KCNIP4: variants seen among roughly 807,000 people sequenced by gnomAD.
KCNIP4 encodes the protein Kv channel-interacting protein 4.
In KCNIP4, 12 loss-of-function variants were observed where a neutral mutation model predicts 34.0. That is an observed-to-expected ratio of 0.35 (90% CI 0.23 to 0.57). The LOEUF (loss-of-function observed/expected upper bound fraction) is 0.57. Among genes scored for constraint, KCNIP4 ranks in the 20% least tolerant of loss-of-function variants. The pLI, the probability that KCNIP4 is intolerant of heterozygous loss-of-function variation, is 0.83. For synonymous variants in KCNIP4, 124 were observed against 102.2 expected (o/e 1.21, Z -1.29); for missense variants, 238 against 311.7 (o/e 0.76, Z 1.78).
At chr4:21,020,101 A>G (rs1194100770) in intron 1 of KCNIP4, among the ~76,000 whole-genome samples, 2 of 152,190 alleles carry the variant, frequency 1.3e-5, no homozygotes, top group African/African-American at 4.8e-5. Context: ...TATCCCTAAC[A>G]CATGGTCACA....
intron 1 of KCNIP4, among the ~76,000 whole-genome samples, chr4:21,665,347 C>G (rs917522343): frequency 1.3e-5 from 2 of 151,950 alleles, no homozygotes; most frequent in African/African-American, 2.4e-5. Context: ...GGCAGAGAAG[C>G]CTTAGAAGAC....
chr4:21,404,094 C>T (rs1364153945), intron 1 of KCNIP4, among the ~76,000 whole-genome samples: 1 of 152,206 alleles, frequency 6.6e-6, no homozygotes, highest in Admixed American at 6.5e-5. Flanking sequence ...ACACTCCCAC[C>T]TGTGGTTCTT....
chr4:21,078,006 G>A (rs1285056727), intron 1 of KCNIP4, among the ~76,000 whole-genome samples: 1 of 152,076 alleles, frequency 6.6e-6, no homozygotes, highest in Non-Finnish European at 1.5e-5. Flanking sequence ...CATTATCAGG[G>A]CTTCTGGAGA....
At chr4:20,759,523 T>G (rs1365985977) in intron 3 of KCNIP4, among the ~76,000 whole-genome samples, 1 of 152,096 alleles carries the variant, frequency 6.6e-6, no homozygotes, top group African/African-American at 2.4e-5. Flanking sequence ...TGTCCCTGGG[T>G]CAACTTGTCA....
chr4:20,938,385 G>A (rs1446039745), intron 1 of KCNIP4, among the ~76,000 whole-genome samples: 1 of 152,056 alleles, frequency 6.6e-6, no homozygotes. Context: ...CTATGACTGT[G>A]CTTGTCACCT....
At chr4:21,568,091 G>A (rs550596348) in intron 1 of KCNIP4, among the ~76,000 whole-genome samples, 1 of 152,232 alleles carries the variant, frequency 6.6e-6, no homozygotes, top group East Asian at 1.9e-4. Context: ...TTCAAAACTA[G>A]GTTTTGAGGG....
intron 1 of KCNIP4, among the ~76,000 whole-genome samples, chr4:21,229,209 A>G (rs986654291): frequency 1.3e-5 from 2 of 152,172 alleles, no homozygotes; most frequent in African/African-American, 4.8e-5. Context: ...GTCTTCACAA[A>G]TAATGCCTAT....
At chr4:20,735,805 G>C (rs1749490778) in intron 5 of KCNIP4, among the ~76,000 whole-genome samples, 1 of 152,128 alleles carries the variant, frequency 6.6e-6, no homozygotes, top group Non-Finnish European at 1.5e-5. Flanking sequence ...AAAGTGCTGG[G>C]ATTACAGGCG....
chr4:21,062,530 A>ATGTATGTGTG (rs139229280), intron 1 of KCNIP4, among the ~76,000 whole-genome samples: 1 of 149,202 alleles, frequency 6.7e-6, no homozygotes, highest in East Asian at 2.0e-4. Flanking sequence ...GTGTGTGTGC[A>ATGTATGTGTG]TGTGTGTGTG....
intron 1 of KCNIP4, among the ~76,000 whole-genome samples, chr4:21,368,414 C>T (rs1578136504): frequency 6.8e-6 from 1 of 147,212 alleles, no homozygotes; most frequent in South Asian, 2.1e-4. Context: ...CATACACTCC[C>T]CCCAAAATAG....
intron 1 of KCNIP4, among the ~76,000 whole-genome samples, chr4:21,783,889 T>C (rs1248417847): frequency 6.6e-6 from 1 of 151,660 alleles, no homozygotes; most frequent in Non-Finnish European, 1.5e-5. Flanking sequence ...ATATCAAAAG[T>C]AGCAGCATAA....
chr4:20,860,326 G>A (rs6844178), intron 2 of KCNIP4, among the ~76,000 whole-genome samples: 1 of 151,782 alleles, frequency 6.6e-6, no homozygotes, highest in African/African-American at 2.4e-5. Flanking sequence ...TTAGTAGAGA[G>A]GGGGTTTCAC....
At position 21,790,969 on chromosome 4, in the gene KCNIP4, C is replaced by CAAAAAAAAAAAAA. The variant is rs10560597; in HGVS notation, c.61+157589_61+157601dup. Among the ~76,000 whole-genome samples, 25 of 89,666 alleles carry CAAAAAAAAAAAAA rather than the reference C, an allele frequency of 2.8e-4. 1 individual carries two copies. The highest frequency in any genetic ancestry group is 3.7e-4 in the Non-Finnish European group (17 of 45,368). 58.8% of individuals were successfully genotyped at this position (89,666 alleles called of 152,430 possible). On this transcript the variant is annotated intron_variant, in intron 1 of 8. Coordinates refer to ENST00000382152, the MANE Select transcript of KCNIP4 (RefSeq NM_025221.6). ...CTCCTTTATTTGCCTGCGCACTCCA[C>CAAAAAAAAAAAAA]AAAAAAAAAAAAAAAAAAAAAAAAA... is the stretch of plus-strand genomic sequence containing the variant.
chr4:21,561,791 A>G (rs1739504135), intron 1 of KCNIP4, among the ~76,000 whole-genome samples: 1 of 151,982 alleles, frequency 6.6e-6, no homozygotes, highest in African/African-American at 2.4e-5. Flanking sequence ...CATACATTAC[A>G]TCCTTTAATC....
chr4:21,140,342 C>T (rs771095909), intron 1 of KCNIP4, among the ~76,000 whole-genome samples: 1 of 152,060 alleles, frequency 6.6e-6, no homozygotes, highest in Non-Finnish European at 1.5e-5. Flanking sequence ...ATGTAAACTT[C>T]TTAGAACAAC....
intron 1 of KCNIP4, among the ~76,000 whole-genome samples, chr4:21,419,434 G>A (rs1410893450): frequency 2.0e-5 from 3 of 151,998 alleles, no homozygotes; most frequent in African/African-American, 4.8e-5. Flanking sequence ...GAGTTAGGGA[G>A]GCCAAATTTA....
intron 1 of KCNIP4, chr4:21,697,434 T>A (rs751032162): frequency 2.6e-6 from 4 of 1,552,810 alleles, no homozygotes; most frequent in Non-Finnish European, 3.5e-6. Context: ...CTACAGCCAC[T>A]CATCTTAAGC....
intron 1 of KCNIP4, among the ~76,000 whole-genome samples, chr4:21,793,570 T>G (rs1720431578): frequency 6.6e-6 from 1 of 152,152 alleles, no homozygotes; most frequent in Non-Finnish European, 1.5e-5. Flanking sequence ...ACAAGTAGTT[T>G]TTTCAATAAG....
At chr4:21,891,113 G>A (rs1727067464) in intron 1 of KCNIP4, among the ~76,000 whole-genome samples, 1 of 152,062 alleles carries the variant, frequency 6.6e-6, no homozygotes, top group Non-Finnish European at 1.5e-5. Flanking sequence ...TATAAGGAAT[G>A]AATCCCTGGG....
Sources: allele counts gnomAD v4.1 joint callset (sites outside exome capture counted in the v4.1 genomes callset), GRCh38; gene constraint gnomAD v4.1.1; transcripts MANE v1.5; gene names NCBI Gene and HGNC (gene_info 2026-07-23, HGNC 2026-07-21).